Variants in DNAH12 observed in about 807,000 individuals in gnomAD.
The protein encoded by DNAH12 is axonemal beta dynein heavy chain 12.
In DNAH12, 285 loss-of-function variants were observed where a neutral mutation model predicts 371.5. The observed-to-expected ratio is 0.77, with a 90% CI of 0.70 to 0.85. The LOEUF is 0.85. Ranked by LOEUF, DNAH12 falls within the 40% of genes least tolerant of loss-of-function variation. The probability of loss-of-function intolerance (pLI) is 0.00; values close to 1 mark genes in which losing one functional copy is unlikely to be tolerated. For synonymous variants in DNAH12, 1,200 were observed against 1,213.0 expected (o/e 0.99, Z 0.22); for missense variants, 3,611 against 3,689.4 (o/e 0.98, Z 0.55).
chr3:57,404,937 C>T, intron 42 of DNAH12, 32 bp downstream of exon 42: 1 of 1,435,530 alleles, frequency 7.0e-7, no homozygotes, highest in Non-Finnish European at 9.1e-7. Flanking sequence ...TTACAGATAG[C>T]AATTTCAAGC....
At chr3:57,495,409 A>C (rs2067275289) in intron 11 of DNAH12, among the ~76,000 whole-genome samples, 1 of 149,290 alleles carries the variant, frequency 6.7e-6, no homozygotes, top group Non-Finnish European at 1.5e-5. Context: ...AAATACAAAA[A>C]CATTAGCTGG....
chr3:57,430,655 T>C (rs970393559), intron 32 of DNAH12, among the ~76,000 whole-genome samples: 1 of 152,228 alleles, frequency 6.6e-6, no homozygotes, highest in African/African-American at 2.4e-5. Context: ...TATCATTAAC[T>C]TTTAATAGTA....
intron 59 of DNAH12, among the ~76,000 whole-genome samples, chr3:57,353,548 AG>A (rs2062733103): frequency 6.6e-6 from 1 of 152,180 alleles, no homozygotes; most frequent in African/African-American, 2.4e-5. Context: ...TAAACTAAAA[AG>A]CTTCTGCACA....
At chr3:57,422,137 C>A (rs1177007414) in intron 35 of DNAH12, among the ~76,000 whole-genome samples, 1 of 151,880 alleles carries the variant, frequency 6.6e-6, no homozygotes, top group Non-Finnish European at 1.5e-5. Context: ...TGGTCTTAAA[C>A]TCCTAGACTC....
chr3:57,469,827 C>G (rs917220063), intron 16 of DNAH12, among the ~76,000 whole-genome samples: 22 of 152,118 alleles, frequency 1.4e-4, no homozygotes, highest in Admixed American at 3.9e-4. Flanking sequence ...CTGGGAACTA[C>G]TAGAGGTGGG....
At chr3:57,499,913 A>G (rs2067473211) in intron 11 of DNAH12, among the ~76,000 whole-genome samples, 2 of 151,680 alleles carry the variant, frequency 1.3e-5, no homozygotes, top group South Asian at 4.2e-4. Flanking sequence ...TATACATTAA[A>G]AAATCTAAAC....
At chr3:57,334,001 C>T (rs1488695538) in intron 62 of DNAH12, among the ~76,000 whole-genome samples, 3 of 135,248 alleles carry the variant, frequency 2.2e-5, no homozygotes, top group African/African-American at 9.0e-5. Context: ...AAATAGGATA[C>T]ACAAAAAGAA....
At chr3:57,488,240 T>C (rs1241474487) in intron 12 of DNAH12, among the ~76,000 whole-genome samples, 1 of 152,142 alleles carries the variant, frequency 6.6e-6, no homozygotes, top group Non-Finnish European at 1.5e-5. Context: ...TAGCCCGGGC[T>C]GGAGTGCAGT....
chr3:57,458,857 C>G (rs1222767776), intron 20 of DNAH12, among the ~76,000 whole-genome samples: 1 of 152,042 alleles, frequency 6.6e-6, no homozygotes, highest in Non-Finnish European at 1.5e-5. Context: ...CTATTTGGAC[C>G]TTAGCAGAAA....
intron 13 of DNAH12, among the ~76,000 whole-genome samples, chr3:57,478,261 G>A (rs912350508): frequency 1.3e-5 from 2 of 152,148 alleles, no homozygotes; most frequent in African/African-American, 4.8e-5. Context: ...CAAGGCACAA[G>A]AACTACGTGA....
At chr3:57,339,148 T>C (rs566058606) in intron 60 of DNAH12, among the ~76,000 whole-genome samples, 4 of 152,158 alleles carry the variant, frequency 2.6e-5, no homozygotes, top group Non-Finnish European at 4.4e-5. Flanking sequence ...CGGTGCAAGA[T>C]GTGCTTTGTT....
In DNAH12 at chr3:57,296,890, C is replaced by T. The variant is rs1422126751; in HGVS notation, c.11489G>A (p.Arg3830Lys). ...CAAATCAATAGGGGTGGTATATTTT[C>T]TGGCATAATTCTGCATAGCTCCAGT... ...FLTGAMQNYA[R>K]KYTTPIDLLG... Residue 3830 changes from arginine (R) to lysine (K), a missense_variant, in exon 71 of 74, where the codon AGA becomes AAA. Physicochemically the swap from Arg to Lys is conservative, Grantham distance 26. Coordinates refer to ENST00000495027, the MANE Select transcript of DNAH12 (RefSeq NM_001366028.2). 1 of 1,551,500 alleles carries T rather than the reference C, an allele frequency of 6.4e-7. No individual in the cohort carries two copies. Among genetic ancestry groups the T allele is most frequent in the Non-Finnish European group, 8.7e-7 (1 of 1,146,992 alleles).
At chr3:57,454,740 T>A (rs1575624744) in intron 23 of DNAH12, 35 bp downstream of exon 23, 1 of 1,544,648 alleles carries the variant, frequency 6.5e-7, no homozygotes, top group East Asian at 2.5e-5. Flanking sequence ...AAACCTGGAA[T>A]GAAGGATGTT....
intron 29 of DNAH12, among the ~76,000 whole-genome samples, chr3:57,439,680 T>G (rs923335732): frequency 3.3e-5 from 5 of 152,030 alleles, no homozygotes; most frequent in African/African-American, 4.8e-5. Context: ...AAACAAAAAC[T>G]GACAAGTGGG....
At chr3:57,363,049 G>C (rs2062972996) in intron 58 of DNAH12, among the ~76,000 whole-genome samples, 1 of 152,042 alleles carries the variant, frequency 6.6e-6, no homozygotes. Flanking sequence ...TTTTGTATAA[G>C]GTATAAGGGA....
At chr3:57,410,050 G>A (rs116523311) in intron 39 of DNAH12, among the ~76,000 whole-genome samples, 294 of 152,214 alleles carry the variant, frequency 1.9e-3, no homozygotes, top group African/African-American at 6.7e-3. Context: ...TCTTGACTTG[G>A]GGGAATGGTA....
chr3:57,307,116 T>C (rs899384466), intron 69 of DNAH12, among the ~76,000 whole-genome samples: 14 of 152,174 alleles, frequency 9.2e-5, no homozygotes, highest in Non-Finnish European at 1.6e-4. Flanking sequence ...TATCTCGGCA[T>C]AATTCTCATA....
intron 59 of DNAH12, among the ~76,000 whole-genome samples, chr3:57,355,465 T>C (rs2062776871): frequency 1.3e-5 from 2 of 152,334 alleles, no homozygotes; most frequent in African/African-American, 4.8e-5. Flanking sequence ...CCCAAGTAAG[T>C]TGAATATAGC....
At chr3:57,429,271 G>A (rs2064881679) in intron 33 of DNAH12, among the ~76,000 whole-genome samples, 1 of 151,884 alleles carries the variant, frequency 6.6e-6, no homozygotes, top group Admixed American at 6.6e-5. Flanking sequence ...CCACCTCCTG[G>A]GTTCAAGCGA....
Sources: gnomAD v4.1 joint callset for allele counts (sites outside exome capture counted in the v4.1 genomes callset) on GRCh38, gnomAD v4.1.1 for gene constraint, MANE v1.5 for transcripts, NCBI Gene and HGNC (gene_info 2026-07-23, HGNC 2026-07-21) for gene names.